The following LIMK2 variants were observed in gnomAD, a reference collection of about 807,000 sequenced individuals.
LIMK2 encodes the protein LIM domain kinase 2.
In LIMK2, 35 loss-of-function variants were observed where a neutral mutation model predicts 75.7. That is an observed-to-expected ratio of 0.46 (90% confidence interval 0.35 to 0.61). The LOEUF (loss-of-function observed/expected upper bound fraction) is 0.61, where lower values mean the gene tolerates loss of function less well. LIMK2 is among the 20% of genes least tolerant of loss of function. The pLI, the probability that LIMK2 is intolerant of heterozygous loss-of-function variation, is 0.00. For synonymous variants in LIMK2, 301 were observed against 319.2 expected (o/e 0.94, Z 0.61); for missense variants, 623 against 831.0 (o/e 0.75, Z 3.08).
chr22:31,266,289 C>A (rs550999303), intron 8 of LIMK2, among the ~76,000 whole-genome samples, 157 bp downstream of exon 8: 27 of 152,304 alleles, frequency 1.8e-4, no homozygotes, highest in Admixed American at 5.9e-4. Context: ...CCTTCACCCC[C>A]ACCCAGGCCA....
intron 7 of LIMK2, among the ~76,000 whole-genome samples, chr22:31,263,012 GTC>G (rs1486579932): frequency 1.3e-5 from 2 of 152,196 alleles, no homozygotes; most frequent in Non-Finnish European, 2.9e-5. Flanking sequence ...CTGAGAGTCA[GTC>G]TCTGTCCACT....
chr22:31,261,000 T>A (rs2048833002), intron 5 of LIMK2, among the ~76,000 whole-genome samples: 1 of 152,126 alleles, frequency 6.6e-6, no homozygotes, highest in Non-Finnish European at 1.5e-5. Context: ...GGGGAAAGCC[T>A]AAAGGTATAG....
intron 2 of LIMK2, among the ~76,000 whole-genome samples, chr22:31,227,875 A>G (rs1008726881): frequency 6.6e-6 from 1 of 152,198 alleles, no homozygotes. Flanking sequence ...ACCACCCACT[A>G]TATGGTATAA....
chr22:31,265,667 C>T (rs1169426073), intron 7 of LIMK2, among the ~76,000 whole-genome samples: 1 of 152,182 alleles, frequency 6.6e-6, no homozygotes, highest in African/African-American at 2.4e-5. Flanking sequence ...ATATATGTCA[C>T]ATACTGAGCA....
At position 31,262,872 on chromosome 22, in the gene LIMK2, AG is replaced by A; in HGVS notation, c.854+82del. On this transcript the variant is annotated intron_variant, in intron 7 of 15. Transcript: ENST00000331728. The surrounding 1 kb of genome is among the most constrained non-coding windows in gnomAD (Gnocchi z 5.0). Reference sequence around the variant, plus strand: ...TGAGCTGGCTTTCAGAAGCCTGCAGAGTTAGGAAAGGAACCAGCTGGCCAGG... The same window carrying A: ...TGAGCTGGCTTTCAGAAGCCTGCAGATTAGGAAAGGAACCAGCTGGCCAGG... The A allele has an allele frequency of 7.9e-7, 1 of 1,272,468 alleles. No homozygotes were observed. Among genetic ancestry groups the A allele is most frequent in the Non-Finnish European group, 1.1e-6 (1 of 936,872 alleles). The allele number at this position is 1,272,468 out of a possible 1,614,324, so 78.8% of individuals were successfully genotyped here.
chr22:31,278,427 G>C lies in LIMK2; in HGVS notation c.1903G>C (p.Asp635His). 1.2e-6 allele frequency: 2 copies of C among 1,611,830 alleles called. No individual in the cohort carries two copies. The highest frequency in any genetic ancestry group is 1.7e-6 in the Non-Finnish European group (2 of 1,179,108). ...TVSMQYGLTRDSPP is the reference protein window; with the variant it reads ...TVSMQYGLTRHSPP ...GAGCATGCAGTACGGCCTGACCCGG[G>C]ACTCACCTCCCTAGCCCTGGCCCAG... The change falls in exon 16 of 16, where the codon GAC (aspartate) becomes CAC (histidine). Residue 635 changes from aspartate (D) to histidine (H), a missense_variant. Asp to His is a moderately conservative substitution (Grantham distance 81, BLOSUM62 -1). Coordinates refer to ENST00000331728, the MANE Select transcript of LIMK2 (RefSeq NM_005569.4).
intron 2 of LIMK2, among the ~76,000 whole-genome samples, chr22:31,257,458 TG>T (rs2048796098): frequency 6.6e-6 from 1 of 152,164 alleles, no homozygotes; most frequent in South Asian, 2.1e-4. Context: ...ATTTTACCCT[TG>T]AACAGTTCAA....
chr22:31,278,269 G>C (rs571962651), intron 15 of LIMK2, 28 bp from the exon 16 acceptor site: 3 of 1,594,502 alleles, frequency 1.9e-6, no homozygotes, highest in African/African-American at 2.7e-5. Flanking sequence ...TGTTCCACCT[G>C]CCTCTAATTT....
intron 14 of LIMK2, 91 bp downstream of exon 14, chr22:31,273,598 T>C (rs903730311): frequency 2.0e-6 from 2 of 981,466 alleles, no homozygotes; most frequent in Non-Finnish European, 3.3e-6. Flanking sequence ...TAGGGATGAC[T>C]AGCTTGACTA....
At chr22:31,272,845 G>T (rs933483148) in intron 13 of LIMK2, 141 bp downstream of exon 13, 25 of 1,411,326 alleles carry the variant, frequency 1.8e-5, no homozygotes, top group Non-Finnish European at 2.2e-5. Context: ...CCCTTGCCAG[G>T]TGGGGCCTCA....
In LIMK2 at chr22:31,260,036, G is replaced by A. The variant is rs766871217; in HGVS notation, c.510G>A (p.Glu170=). The change falls in exon 5 of 16, where the codon GAG becomes GAA. Residue 170 remains glutamate (E), a synonymous_variant. Coordinates refer to ENST00000331728, the MANE Select transcript of LIMK2 (RefSeq NM_005569.4). The part of the protein sequence containing the change: ...EGRRGFSVSV[E]SACSNYATTV... Reference sequence around the variant, plus strand: ...GGCGGGGCTTCTCCGTGTCCGTGGAGAGTGCCTGCTCCAACTACGCCACCA... The same window carrying A: ...GGCGGGGCTTCTCCGTGTCCGTGGAAAGTGCCTGCTCCAACTACGCCACCA... The A allele has an allele frequency of 9.3e-6, 15 of 1,606,176 alleles. No homozygotes were observed. The South Asian group carries it at 1.7e-4, about 18-fold the overall frequency.
chr22:31,236,020 C>A (rs1339550853), intron 2 of LIMK2, among the ~76,000 whole-genome samples: 1 of 152,170 alleles, frequency 6.6e-6, no homozygotes, highest in Non-Finnish European at 1.5e-5. Flanking sequence ...AGAGGCCAGG[C>A]GTAGTGGCTC....
rs2048845396 is a variant in LIMK2, at chr22:31,262,032, C to T, written c.552-102C>T. On this transcript the variant is annotated intron_variant, in intron 5 of 15. Transcript: ENST00000331728. This position sits in a 1 kb window ranked among gnomAD's most constrained non-coding sequence, Gnocchi z 5.0. ...TGGGTATCCTGGGCCCCTTAGGGGC[C>T]ACTGGTGGCCTGGGACCTGGTAAAC... 2.3e-6 allele frequency: 2 copies of T among 882,016 alleles called. No individual in the cohort carries two copies. The highest frequency in any genetic ancestry group is 3.8e-6 in the Non-Finnish European group (2 of 525,250). 54.6% of individuals were successfully genotyped at this position (882,016 alleles called of 1,614,324 possible). A position where few individuals can be genotyped will look rare whatever the true frequency, so the allele number is the denominator to read the frequency against.
intron 2 of LIMK2, among the ~76,000 whole-genome samples, chr22:31,228,020 G>C (rs2048493686): frequency 7.8e-6 from 1 of 128,470 alleles, no homozygotes; most frequent in African/African-American, 3.7e-5. Context: ...CTCTGTGCGT[G>C]CGTGTGTGTG....
rs999719984 is a variant in LIMK2 at position 31,223,575 on chromosome 22, T to G, written c.17-2145T>G. On this transcript the variant is annotated intron_variant, in intron 1 of 15. Transcript: ENST00000331728. ...TACATGTAAGAGTTCCAAAAATATT[T>G]CCAAAACTTGGAAGATTCATTTGGA... 3.3e-5 allele frequency among the ~76,000 whole-genome samples: 5 copies of G among 152,312 alleles called. No homozygotes were observed. The East Asian group carries it at 5.8e-4, about 18-fold the overall frequency.
chr22:31,212,444 C>T lies in LIMK2; in HGVS notation c.16+20C>T. The T allele has an allele frequency of 3.0e-6, 4 of 1,322,672 alleles. No homozygotes were observed. Among genetic ancestry groups the T allele is most frequent in the African/African-American group, 3.0e-5 (2 of 66,586 alleles). 81.9% of individuals were successfully genotyped at this position (1,322,672 alleles called of 1,614,324 possible). Reference sequence around the variant, plus strand: ...TGGCGGGTAAGGAAGGGCTGCTCCGCCCTGTCCCGCTGTTATCTCCGAAGT... The same window carrying T: ...TGGCGGGTAAGGAAGGGCTGCTCCGTCCTGTCCCGCTGTTATCTCCGAAGT... On this transcript the variant is annotated intron_variant, in intron 1 of 15. Coordinates refer to ENST00000331728, the MANE Select transcript of LIMK2 (RefSeq NM_005569.4).
At chr22:31,245,327 G>A (rs916779686) in intron 2 of LIMK2, among the ~76,000 whole-genome samples, 1 of 151,988 alleles carries the variant, frequency 6.6e-6, no homozygotes, top group Non-Finnish European at 1.5e-5. Flanking sequence ...TTGAGACAGA[G>A]TTTCACTCTT....
chr22:31,276,996 C>T (rs1242175543), intron 15 of LIMK2: 19 of 1,613,800 alleles, frequency 1.2e-5, no homozygotes, highest in Non-Finnish European at 1.5e-5. Context: ...TGGATGAGCT[C>T]CTGGACATGG....
chr22:31,262,574 T>A lies in LIMK2; in HGVS notation c.658-21T>A. 1 of 1,599,538 alleles carries A rather than the reference T, an allele frequency of 6.3e-7. No homozygotes were observed. Among genetic ancestry groups the A allele is most frequent in the Non-Finnish European group, 8.5e-7 (1 of 1,170,610 alleles). ...TGGGATGGGGCAGCCTGTGGGAGCTTTATACTGCTCTTGGCCACAGGTGGA... is the reference window on the plus strand; with the variant it reads ...TGGGATGGGGCAGCCTGTGGGAGCTATATACTGCTCTTGGCCACAGGTGGA... On this transcript the variant is annotated intron_variant, in intron 6 of 15. Transcript: ENST00000331728. The surrounding 1 kb of genome is among the most constrained non-coding windows in gnomAD (Gnocchi z 5.0).
Sources: gnomAD v4.1 joint callset for allele counts (sites outside exome capture counted in the v4.1 genomes callset) on GRCh38, gnomAD v4.1.1 for gene constraint, Gnocchi (gnomAD v3.1) non-coding constraint, MANE v1.5 for transcripts, NCBI Gene and HGNC (gene_info 2026-07-23, HGNC 2026-07-21) for gene names.